ARSB: variants seen among roughly 807,000 people sequenced by gnomAD.
The protein encoded by ARSB is arylsulfatase B, also known as N-acetylgalactosamine-4-sulfatase.
A neutral mutation model predicts 50.9 loss-of-function variants in ARSB; 41 were observed. That is an observed-to-expected ratio of 0.81 (90% CI 0.63 to 1.04). The LOEUF (loss-of-function observed/expected upper bound fraction) is 1.04, where lower values mean the gene tolerates loss of function less well. ARSB is among the 50% of genes least tolerant of loss of function. ARSB has a pLI of 0.00. For missense variants in ARSB, 672 were observed against 693.3 expected (o/e 0.97, Z 0.35); for synonymous variants, 269 against 284.8 (o/e 0.94, Z 0.56).
intron 6 of ARSB, among the ~76,000 whole-genome samples, chr5:78,827,503 G>A (rs886505816): frequency 1.3e-5 from 2 of 152,158 alleles, no homozygotes; most frequent in Admixed American, 6.5e-5. Flanking sequence ...GAGCCACTGT[G>A]CCCAGCCCCT....
At chr5:78,803,195 C>T (rs1370724864) in intron 6 of ARSB, among the ~76,000 whole-genome samples, 3 of 152,356 alleles carry the variant, frequency 2.0e-5, no homozygotes, top group African/African-American at 7.2e-5. Flanking sequence ...GACTCGTCTG[C>T]TTTCCTGGAG....
At chr5:78,816,049 C>T (rs1289564796) in intron 6 of ARSB, 9 of 1,613,770 alleles carry the variant, frequency 5.6e-6, no homozygotes, top group East Asian at 2.2e-5. Context: ...ATTTCTTATG[C>T]CCTGGGTTAT....
rs1743879952 is a variant in ARSB, at chr5:78,813,215, C to T, written c.1213+26141G>A. ...AGGTAGCTGGGATTACAGGCATGTG[C>T]CACCACACCGGCTAATTTTTGTATT... On this transcript the variant is annotated intron_variant, in intron 6 of 7. Coordinates refer to ENST00000264914, the MANE Select transcript of ARSB (RefSeq NM_000046.5). Among the ~76,000 whole-genome samples the T allele has an allele frequency of 2.0e-5, 3 of 152,022 alleles. No homozygotes were observed. The South Asian group carries it at 6.2e-4, about 32-fold the overall frequency.
In ARSB at chr5:78,964,402, G is replaced by A. The variant is rs757236770; in HGVS notation, c.690+14C>T. The A allele has an allele frequency of 1.2e-4, 197 of 1,612,008 alleles. No homozygotes were observed. Among genetic ancestry groups the A allele is most frequent in the Non-Finnish European group, 1.6e-4 (189 of 1,178,372 alleles). ...AACAAGATTTTGCTATCAGTAAATA[G>A]AAGCAAAACTTACCTTCTCTGGTGG... is the stretch of plus-strand genomic sequence containing the variant. On this transcript the variant is annotated intron_variant, in intron 3 of 7. Coordinates refer to ENST00000264914, the MANE Select transcript of ARSB (RefSeq NM_000046.5).
intron 4 of ARSB, among the ~76,000 whole-genome samples, chr5:78,888,623 T>C (rs1431025619): frequency 2.6e-5 from 4 of 152,134 alleles, no homozygotes; most frequent in Non-Finnish European, 4.4e-5. Context: ...ACGGAAAGTA[T>C]TGGATGAAGA....
intron 5 of ARSB, among the ~76,000 whole-genome samples, chr5:78,860,926 G>T (rs1368694638): frequency 1.3e-5 from 2 of 152,070 alleles, no homozygotes; most frequent in Non-Finnish European, 2.9e-5. Context: ...ATGATAAAGG[G>T]TATATCAGCA....
chr5:78,816,950 C>T, intron 6 of ARSB: 1 of 369,636 alleles, frequency 2.7e-6, no homozygotes, highest in Non-Finnish European at 3.7e-6. Context: ...AAGCAGAGAA[C>T]CCAGTTGAGC....
At chr5:78,850,456 T>C (rs1274782847) in intron 5 of ARSB, among the ~76,000 whole-genome samples, 1 of 152,062 alleles carries the variant, frequency 6.6e-6, no homozygotes, top group Non-Finnish European at 1.5e-5. Context: ...CTGGATTTGG[T>C]TTGCCAGTAT....
intron 5 of ARSB, among the ~76,000 whole-genome samples, chr5:78,845,305 T>C (rs192954388): frequency 9.2e-5 from 14 of 152,284 alleles, no homozygotes; most frequent in Admixed American, 2.0e-4. Context: ...TGATTCTATA[T>C]CTTGGGTATT....
At chr5:78,845,118 T>G (rs1745386265) in intron 5 of ARSB, among the ~76,000 whole-genome samples, 1 of 152,114 alleles carries the variant, frequency 6.6e-6, no homozygotes, top group Admixed American at 6.5e-5. Context: ...CTTCCATGTA[T>G]GAGAACATGT....
chr5:78,941,460 A>G (rs1750918966), intron 4 of ARSB, among the ~76,000 whole-genome samples: 2 of 152,218 alleles, frequency 1.3e-5, no homozygotes, highest in African/African-American at 4.8e-5. Flanking sequence ...CGTCCCATCA[A>G]TATCTAATTT....
Position 78,964,551 on chromosome 5 carries a change from G to A in ARSB, c.555C>T (p.Asp185=), listed in dbSNP as rs780886808. 29 of 1,613,842 alleles carry A rather than the reference G, an allele frequency of 1.8e-5. No homozygotes were observed. The highest frequency in any genetic ancestry group is 6.7e-5 in the East Asian group (3 of 44,882). ...GAGCACATCGTGTGACATTCAGAGC[G>A]TCAATTAATGTACAGCGTTCATGGG... ...YYSHERCTLI[D]ALNVTRCALD... The change falls in exon 3 of 8, where the codon GAC becomes GAT. Residue 185 remains aspartate (D), a synonymous_variant. Transcript: ENST00000264914.
intron 5 of ARSB, among the ~76,000 whole-genome samples, chr5:78,860,254 G>A (rs1463701495): frequency 6.6e-6 from 1 of 152,144 alleles, no homozygotes; most frequent in Non-Finnish European, 1.5e-5. Flanking sequence ...TTGTGTGGGA[G>A]TCTAAGTCTC....
rs1341828131 is a variant in ARSB at position 78,955,399 on chromosome 5, T to C, written c.794A>G (p.His265Arg). Residue 265 changes from histidine (H) to arginine (R), a missense_variant, in exon 4 of 8, where the codon CAC (histidine) becomes CGC (arginine). Coordinates refer to ENST00000264914, the MANE Select transcript of ARSB (RefSeq NM_000046.5). ...YDFIQDKNRH[H>R]YAGMVSLMDE... is the part of the protein sequence containing the mutation. ...CATAAGGGACACCATTCCTGCATAG[T>C]GATGCCTGTTCTTGTCTTGGATAAA... 2.5e-6 allele frequency: 4 copies of C among 1,614,208 alleles called. No individual in the cohort carries two copies. The highest frequency in any genetic ancestry group is 3.3e-5 in the Admixed American group (2 of 60,036).
At position 78,796,879 on chromosome 5, in the gene ARSB, C is replaced by CTTTTT. The variant is rs1342063568; in HGVS notation, c.1214-14910_1214-14906dup. 5.8e-3 allele frequency among the ~76,000 whole-genome samples: 738 copies of CTTTTT among 126,340 alleles called. 18 individuals carry two copies. The highest frequency in any genetic ancestry group is 0.018 in the African/African-American group (574 of 31,232). The allele number at this position is 126,340 out of a possible 152,430, so 82.9% of individuals were successfully genotyped here. ...ATGTTGGCCAGGATGGTCTCGATCT[C>CTTTTT]TTTTTTTTTTTTTTTTGAGACAGAG... On this transcript the variant is annotated intron_variant, in intron 6 of 7. Transcript: ENST00000264914.
chr5:78,970,190 C>G (rs867529799), intron 1 of ARSB, among the ~76,000 whole-genome samples: 12 of 152,120 alleles, frequency 7.9e-5, no homozygotes, highest in Middle Eastern at 3.2e-3. Context: ...CCTTTTCCAA[C>G]TACACATCTT....
At chr5:78,831,989 G>A (rs339035) in intron 6 of ARSB, among the ~76,000 whole-genome samples, 122,603 of 152,066 alleles carry the variant, frequency 0.81, 49,702 homozygotes, top group African/African-American at 0.84. Context: ...ATTTATTAGC[G>A]TGCATTCTTT....
At chr5:78,817,152 G>T in intron 6 of ARSB, 1 of 982,262 alleles carries the variant, frequency 1.0e-6, no homozygotes, top group South Asian at 4.7e-5. Flanking sequence ...GATAAAGAAT[G>T]ATCATTAGTA....
intron 5 of ARSB, among the ~76,000 whole-genome samples, chr5:78,868,528 AT>A (rs1220298795): frequency 1.8e-4 from 24 of 131,376 alleles, no homozygotes; most frequent in African/African-American, 5.8e-4. Context: ...AAAGAAAAGA[AT>A]TTTCAACCCA....
Sources: allele counts gnomAD v4.1 joint callset (sites outside exome capture counted in the v4.1 genomes callset), GRCh38; gene constraint gnomAD v4.1.1; transcripts MANE v1.5; gene names NCBI Gene and HGNC (gene_info 2026-07-23, HGNC 2026-07-21).